The following PDXDC1 variants were observed in gnomAD, a reference collection of about 807,000 sequenced individuals.
PDXDC1 encodes pyridoxal dependent decarboxylase domain containing 1.
Under a neutral mutation model 100.1 loss-of-function variants are expected in PDXDC1, and 42 were observed. That is an observed-to-expected ratio of 0.42 (90% CI 0.33 to 0.54). PDXDC1 has a LOEUF of 0.54. Among genes scored for constraint, PDXDC1 ranks in the 20% least tolerant of loss-of-function variants. PDXDC1 has a pLI of 0.10. For synonymous variants in PDXDC1, 260 were observed against 371.7 expected (o/e 0.70, Z 3.46); for missense variants, 636 against 979.2 (o/e 0.65, Z 4.68).
At position 15,047,029 on chromosome 16, in the gene PDXDC1, C is replaced by T. The variant is rs549115028; in HGVS notation, c.1399+16973C>T. Reference sequence around the variant, plus strand: ...GCTTCGGAATACAAACACCTTGGGCCGGGCTTTCTGTCTACTCTTCACTGC... The same window carrying T: ...GCTTCGGAATACAAACACCTTGGGCTGGGCTTTCTGTCTACTCTTCACTGC... On this transcript the variant is annotated intron_variant, in intron 16 of 16. Transcript: ENST00000535621. Among the ~76,000 whole-genome samples, 16 of 152,274 alleles carry T rather than the reference C, an allele frequency of 1.1e-4. No individual in the cohort carries two copies. In the South Asian group the frequency reaches 2.7e-3, roughly 26 times the overall value.
chr16:15,143,453 G>A (rs948983063), downstream of PDXDC1, among the ~76,000 whole-genome samples: 29 of 152,304 alleles, frequency 1.9e-4, no homozygotes, highest in South Asian at 2.1e-4. Context: ...ATGCTGCAGC[G>A]GGTCTGCCCG....
At chr16:15,047,619 G>A in intron 16 of PDXDC1, 10 of 1,171,834 alleles carry the variant, frequency 8.5e-6, no homozygotes, top group Admixed American at 3.4e-5. Context: ...CCGAGACTCC[G>A]CCTGTCCCTC....
At chr16:15,148,360 A>G in the PDXDC1 span, among the ~76,000 whole-genome samples, 1 of 134,580 alleles carries the variant, frequency 7.4e-6, no homozygotes, top group Non-Finnish European at 1.5e-5. Context: ...ATCTCTGTTC[A>G]GATCCTGTGA....
downstream of PDXDC1, chr16:15,038,496 G>T: frequency 1.2e-6 from 1 of 841,598 alleles, no homozygotes; most frequent in Non-Finnish European, 2.0e-6. Context: ...CTATGACCTG[G>T]TCTAAACCCT....
At chr16:15,127,433 C>T (rs2047797923) in intron 16 of PDXDC1, 4 of 1,508,226 alleles carry the variant, frequency 2.7e-6, no homozygotes, top group Non-Finnish European at 3.6e-6. Context: ...GCCCAGGCTC[C>T]ATTCCCAGTA....
At chr16:15,021,397 GAAA>G (rs1214318933) in intron 12 of PDXDC1, among the ~76,000 whole-genome samples, 1 of 152,074 alleles carries the variant, frequency 6.6e-6, no homozygotes, top group African/African-American at 2.4e-5. Flanking sequence ...AAAAAAAAAA[GAAA>G]AAAAGATTGA....
intron 16 of PDXDC1, among the ~76,000 whole-genome samples, chr16:15,063,842 C>T (rs906681175): frequency 6.6e-6 from 1 of 152,124 alleles, no homozygotes; most frequent in South Asian, 2.1e-4. Context: ...TTTCATCTTT[C>T]CATTTTCATG....
chr16:14,987,948 C>G (rs1295696843), intron 1 of PDXDC1, among the ~76,000 whole-genome samples: 1 of 152,064 alleles, frequency 6.6e-6, no homozygotes, highest in Non-Finnish European at 1.5e-5. Context: ...AAACATTTTC[C>G]TATGTACTAA....
At chr16:15,136,097 G>A in intron 16 of PDXDC1, 4 of 1,579,678 alleles carry the variant, frequency 2.5e-6, no homozygotes, top group Non-Finnish European at 3.4e-6. Context: ...TCCACCCGCT[G>A]CACAGTCGAG....
chr16:15,122,191 A>G (rs972424403), intron 16 of PDXDC1, among the ~76,000 whole-genome samples: 2 of 152,038 alleles, frequency 1.3e-5, no homozygotes, highest in African/African-American at 2.4e-5. Flanking sequence ...CAAAAAAGTC[A>G]TCAAACCAGA....
chr16:15,130,634 C>A (rs774605654), intron 16 of PDXDC1: 16 of 1,343,334 alleles, frequency 1.2e-5, no homozygotes, highest in Admixed American at 1.7e-5. Flanking sequence ...GCAGAGCTCA[C>A]CCCGGGGAAA....
chr16:14,988,209 T>G lies in PDXDC1; in HGVS notation c.22-9544T>G, dbSNP rs939796371. 191 of 1,612,488 alleles carry G rather than the reference T, an allele frequency of 1.2e-4. No homozygotes were observed. The African/African-American group carries it at 2.3e-3, about 19-fold the overall frequency. ...TTGCTCCTGGCAGTGGGACTTTCAG[T>G]GCTGGGTGTCTTGTGCAAATGGTGG... On this transcript the variant is annotated intron_variant, in intron 1 of 22. Coordinates refer to ENST00000396410, the MANE Select transcript of PDXDC1 (RefSeq NM_015027.4).
intron 16 of PDXDC1, among the ~76,000 whole-genome samples, chr16:15,129,679 C>G (rs955409249): frequency 5.9e-4 from 90 of 152,156 alleles, no homozygotes; most frequent in Non-Finnish European, 1.2e-3. Context: ...TGACTGGCAC[C>G]TACTTCCAGC....
At chr16:15,084,066 G>C (rs1372156012) in intron 16 of PDXDC1, among the ~76,000 whole-genome samples, 1 of 152,214 alleles carries the variant, frequency 6.6e-6, no homozygotes, top group Non-Finnish European at 1.5e-5. Context: ...TAACGACTTA[G>C]AGAAAATAAG....
chr16:14,984,978 G>T (rs4985168), intron 1 of PDXDC1, among the ~76,000 whole-genome samples: 35,987 of 144,172 alleles, frequency 0.25, 1,762 homozygotes, highest in East Asian at 0.44. Flanking sequence ...GGGTTCAAGC[G>T]ATTCTCCTGC....
intron 16 of PDXDC1, chr16:15,127,171 C>T (rs1377178423): frequency 1.0e-5 from 4 of 383,122 alleles, no homozygotes; most frequent in East Asian, 6.3e-5. Flanking sequence ...GAGTGCATTT[C>T]GGAAGCGTGC....
intron 16 of PDXDC1, chr16:15,109,161 C>G (rs2046923011): frequency 6.7e-6 from 1 of 149,004 alleles, no homozygotes; most frequent in Admixed American, 6.8e-5. Context: ...AAAAAAAGAT[C>G]AGTCATATGG....
intron 8 of PDXDC1, among the ~76,000 whole-genome samples, chr16:15,014,176 C>T (rs1465722363): frequency 7.9e-5 from 12 of 151,254 alleles, no homozygotes; most frequent in African/African-American, 1.9e-4. Context: ...TGCTGCACTC[C>T]GGCCTGGGCA....
chr16:15,004,041 A>G (rs1476093099), intron 4 of PDXDC1, 146 bp from the exon 5 acceptor site: 2 of 804,766 alleles, frequency 2.5e-6, no homozygotes, highest in Non-Finnish European at 4.0e-6. Flanking sequence ...TTCTCACCAA[A>G]CTATCACTAC....
Sources: allele counts gnomAD v4.1 joint callset (sites outside exome capture counted in the v4.1 genomes callset), GRCh38; gene constraint gnomAD v4.1.1; transcripts MANE v1.5; gene names NCBI Gene and HGNC (gene_info 2026-07-23, HGNC 2026-07-21).